ZNF549: variants seen among roughly 807,000 people sequenced by gnomAD.
The protein encoded by ZNF549 is zinc finger protein 549.
ZNF549 carries 11 observed loss-of-function variants against 11.1 expected under a neutral mutation model. The observed-to-expected ratio is 0.99, with a 90% CI of 0.62 to 1.64. The LOEUF (loss-of-function observed/expected upper bound fraction) is 1.64, where lower values mean the gene tolerates loss of function less well. Ranked by LOEUF, ZNF549 falls within the 40% of genes most tolerant of loss-of-function variation. The pLI, the probability that ZNF549 is intolerant of heterozygous loss-of-function variation, is 0.00. For synonymous variants in ZNF549, 266 were observed against 269.1 expected (o/e 0.99, Z 0.11); for missense variants, 748 against 765.1 (o/e 0.98, Z 0.26).
intron 3 of ZNF549, chr19:57,535,504 C>A: frequency 2.1e-6 from 1 of 479,914 alleles, no homozygotes; most frequent in Non-Finnish European, 3.6e-6. Flanking sequence ...GTAACTTGCC[C>A]AACCGACACC....
At position 57,538,710 on chromosome 19, in the gene ZNF549, G is replaced by GC. The variant is rs781291508; in HGVS notation, c.1707dup (p.Thr570HisfsTer17). Reference sequence around the variant, plus strand: ...GAATGTGGGAAATGCTTTAGACACCGCACCAGCCTCATTCAACACCAGAAA... The same window carrying GC: ...GAATGTGGGAAATGCTTTAGACACCGCCACCAGCCTCATTCAACACCAGAAA... On this transcript the variant is annotated frameshift_variant, in exon 4 of 4. Transcript: ENST00000376233. LOFTEE classifies it low-confidence loss of function (END_TRUNC). The GC allele has an allele frequency of 6.2e-7, 1 of 1,614,102 alleles. No homozygotes were observed. The highest frequency in any genetic ancestry group is 1.1e-5 in the South Asian group (1 of 91,082).
Position 57,538,843 on chromosome 19 carries a change from T to A in ZNF549, c.1839T>A (p.Tyr613Ter). The change falls in exon 4 of 4, where the codon TAT becomes TAA. Residue 613 changes from tyrosine (Y) to a stop codon, truncating the protein, a stop_gained. Coordinates refer to ENST00000376233, the MANE Select transcript of ZNF549 (RefSeq NM_001199295.2). LOFTEE classifies it low-confidence loss of function (END_TRUNC). Reference sequence around the variant, plus strand: ...GAATCCACACCGGAGAAAAGCCGTATGAATGTGGTAAATGTGGGAAAGCCT... The same window carrying A: ...GAATCCACACCGGAGAAAAGCCGTAAGAATGTGGTAAATGTGGGAAAGCCT... ...HQRIHTGEKP[Y>*]ECGKCGKAFN... 2 of 1,613,754 alleles carry A rather than the reference T, an allele frequency of 1.2e-6. No individual in the cohort carries two copies. Among genetic ancestry groups the A allele is most frequent in the Non-Finnish European group, 1.7e-6 (2 of 1,180,046 alleles).
chr19:57,537,036 C>T (rs2089927625), intron 3 of ZNF549, among the ~76,000 whole-genome samples, 168 bp from the exon 4 acceptor site: 1 of 152,148 alleles, frequency 6.6e-6, no homozygotes, highest in Non-Finnish European at 1.5e-5. Context: ...GTCAAGGCTG[C>T]AGTGAGATAT....
At chr19:57,534,702 A>C (rs956957222) in intron 2 of ZNF549, among the ~76,000 whole-genome samples, 6 of 152,120 alleles carry the variant, frequency 3.9e-5, no homozygotes, top group Admixed American at 1.3e-4. Flanking sequence ...GGGTCTAACA[A>C]AGATGTGAGG....
chr19:57,537,867 A>C lies in ZNF549; in HGVS notation c.863A>C (p.Gln288Pro). Residue 288 changes from glutamine (Q) to proline (P), a missense_variant, in exon 4 of 4, where the codon CAA becomes CCA. Physicochemically the swap from Gln to Pro is moderately conservative, Grantham distance 76. Transcript: ENST00000376233. ...NICGKSFLHK[Q>P]TLVGHQQRIH... ...TGTGGGAAATCATTCCTCCATAAAC[A>C]AACACTCGTTGGGCACCAGCAGAGA... is the stretch of plus-strand genomic sequence containing the variant. 1 of 1,613,752 alleles carries C rather than the reference A, an allele frequency of 6.2e-7. No individual in the cohort carries two copies. The highest frequency in any genetic ancestry group is 2.2e-5 in the East Asian group (1 of 44,826).
chr19:57,527,725 C>A lies in ZNF549; in HGVS notation c.33+119C>A, dbSNP rs1014977718. 10 of 1,256,530 alleles carry A rather than the reference C, an allele frequency of 8.0e-6. No homozygotes were observed. In the African/African-American group the frequency reaches 1.1e-4, roughly 13 times the overall value. The allele number at this position is 1,256,530 out of a possible 1,614,324, so 77.8% of individuals were successfully genotyped here. A position where few individuals can be genotyped will look rare whatever the true frequency, so the allele number is the denominator to read the frequency against. On this transcript the variant is annotated intron_variant, in intron 1 of 3. Coordinates refer to ENST00000376233, the MANE Select transcript of ZNF549 (RefSeq NM_001199295.2). ...GACAGCGAGGAGTTCTGGGTGGGGT[C>A]CTCAGAGCTGACGGGCGGTGAGGTG...
intron 2 of ZNF549, among the ~76,000 whole-genome samples, chr19:57,531,766 A>G (rs1264994554): frequency 6.6e-6 from 1 of 152,252 alleles, no homozygotes; most frequent in Non-Finnish European, 1.5e-5. Context: ...GGACAAACGG[A>G]TGATTCACGT....
In ZNF549 at chr19:57,537,276, C is replaced by G; in HGVS notation, c.272C>G (p.Ala91Gly). Reference protein sequence around the residue: ...QTLSAQGVSQARTPKLGPSIP... With the variant: ...QTLSAQGVSQGRTPKLGPSIP... ...CTTTCTGCGCAAGGAGTGTCACAGG[C>G]CAGGACTCCAAAGCTAGGTCCTTCC... The change falls in exon 4 of 4, where the codon GCC becomes GGC. Residue 91 changes from alanine (A) to glycine (G), a missense_variant. Physicochemically the swap from Ala to Gly is moderately conservative, Grantham distance 60 (BLOSUM62 0). Transcript: ENST00000376233. 4 of 1,614,206 alleles carry G rather than the reference C, an allele frequency of 2.5e-6. No individual in the cohort carries two copies. Among genetic ancestry groups the G allele is most frequent in the Non-Finnish European group, 3.4e-6 (4 of 1,180,034 alleles).
rs912929645 is a variant in ZNF549 at position 57,540,353 on chromosome 19, G to A, written c.*1426G>A. 1.3e-5 allele frequency: 2 copies of A among 152,214 alleles called. No homozygotes were observed. Among genetic ancestry groups the A allele is most frequent in the African/African-American group, 2.4e-5 (1 of 41,456 alleles). The allele number at this position is 152,214 out of a possible 1,614,324, so 9.4% of individuals were successfully genotyped here. A position where few individuals can be genotyped will look rare whatever the true frequency, so the allele number is the denominator to read the frequency against. On this transcript the variant is annotated 3_prime_UTR_variant, in exon 4 of 4. Transcript: ENST00000376233. ...ACCATTTATCTTAAAACATTGAGGTGCAGTTTTCATACACAAAACCTTCTA... is the reference window on the plus strand; with the variant it reads ...ACCATTTATCTTAAAACATTGAGGTACAGTTTTCATACACAAAACCTTCTA...
rs1429582650 is a variant in ZNF549, at chr19:57,537,713, C to T, written c.709C>T (p.His237Tyr). 1.9e-6 allele frequency: 3 copies of T among 1,613,992 alleles called. No homozygotes were observed. In the African/African-American group the frequency reaches 4.0e-5, roughly 22 times the overall value. The part of the protein sequence containing the change: ...VFNEKVHVTE[H>Y]QRVHTGEKAY... Reference sequence around the variant, plus strand: ...CAATGAGAAAGTTCATGTTACTGAGCATCAGAGAGTCCACACTGGAGAAAA... The same window carrying T: ...CAATGAGAAAGTTCATGTTACTGAGTATCAGAGAGTCCACACTGGAGAAAA... Residue 237 changes from histidine (H) to tyrosine (Y), a missense_variant, in exon 4 of 4, where the codon CAT (histidine) becomes TAT (tyrosine). Coordinates refer to ENST00000376233, the MANE Select transcript of ZNF549 (RefSeq NM_001199295.2).
In ZNF549 at chr19:57,538,143, A is replaced by G; in HGVS notation, c.1139A>G (p.Gln380Arg). ...FIHSYDRIRH[Q>R]RVHTGEGAYQ... The stretch of plus-strand genomic sequence containing the variant: ...CATTCCTATGACCGCATTCGACACC[A>G]GAGAGTTCACACTGGAGAAGGGGCT... Residue 380 changes from glutamine to arginine, a missense_variant, in exon 4 of 4, where the codon CAG (glutamine) becomes CGG (arginine). Physicochemically the swap from Gln to Arg is conservative, Grantham distance 43. Transcript: ENST00000376233. The G allele has an allele frequency of 6.2e-7, 1 of 1,613,778 alleles. No homozygotes were observed. Among genetic ancestry groups the G allele is most frequent in the Non-Finnish European group, 8.5e-7 (1 of 1,179,588 alleles).
At chr19:57,529,887 AAAAATAAATAAAT>A (rs1434157377) in intron 1 of ZNF549, among the ~76,000 whole-genome samples, 6 of 151,916 alleles carry the variant, frequency 3.9e-5, no homozygotes, top group African/African-American at 7.3e-5. Context: ...CTCCGTCTCC[AAAAATAAATAAAT>A]AAAATAAATA....
rs190694889 is a variant in ZNF549 at position 57,536,073 on chromosome 19, G to C, written c.199+803G>C. The stretch of plus-strand genomic sequence containing the variant: ...CTGCTTGACAATTTGCCTACTTGTC[G>C]TTTCTACTGTGATTGTCCCCTACCT... On this transcript the variant is annotated intron_variant, in intron 3 of 3. Transcript: ENST00000376233. Among the ~76,000 whole-genome samples the C allele has an allele frequency of 4.0e-5, 6 of 151,880 alleles. No homozygotes were observed. In the South Asian group the frequency reaches 1.2e-3, roughly 32 times the overall value.
At position 57,537,503 on chromosome 19, in the gene ZNF549, G is replaced by A. The variant is rs376438252; in HGVS notation, c.499G>A (p.Ala167Thr). 1.2e-6 allele frequency: 2 copies of A among 1,614,094 alleles called. No individual in the cohort carries two copies. The highest frequency in any genetic ancestry group is 1.7e-6 in the Non-Finnish European group (2 of 1,180,048). ...EKHIRKEESSALLLNSCKIPL... is the reference protein window; with the variant it reads ...EKHIRKEESSTLLLNSCKIPL... ...ACACATCAGAAAGGAGGAGAGCAGTGCCTTGCTTCTGAATAGCTGCAAAAT... is the reference window on the plus strand; with the variant it reads ...ACACATCAGAAAGGAGGAGAGCAGTACCTTGCTTCTGAATAGCTGCAAAAT... The change falls in exon 4 of 4, where the codon GCC (alanine) becomes ACC (threonine). Residue 167 changes from alanine to threonine, a missense_variant. Physicochemically the swap from Ala to Thr is moderately conservative, Grantham distance 58 (BLOSUM62 0). Coordinates refer to ENST00000376233, the MANE Select transcript of ZNF549 (RefSeq NM_001199295.2).
rs901720131 is a variant in ZNF549, at chr19:57,539,208, G to A, written c.*281G>A. 4 of 345,724 alleles carry A rather than the reference G, an allele frequency of 1.2e-5. No homozygotes were observed. The highest frequency in any genetic ancestry group is 4.8e-5 in the East Asian group (1 of 20,700). 21.4% of individuals were successfully genotyped at this position (345,724 alleles called of 1,614,324 possible). Reference sequence around the variant, plus strand: ...CAGACCACTGTGCTTACCAAATTCTGAAGGGAATAATATAATAAAAGCCTG... The same window carrying A: ...CAGACCACTGTGCTTACCAAATTCTAAAGGGAATAATATAATAAAAGCCTG... On this transcript the variant is annotated 3_prime_UTR_variant, in exon 4 of 4. Coordinates refer to ENST00000376233, the MANE Select transcript of ZNF549 (RefSeq NM_001199295.2).
rs1468591006 is a variant in ZNF549 at position 57,540,734 on chromosome 19, TG to T, written c.*1810del. ...AAGGTCGCGCCATTGCACTCCAGCC[TG>T]GGCGACAGAGTGACACTTCTCAAAA... On this transcript the variant is annotated 3_prime_UTR_variant, in exon 4 of 4. Coordinates refer to ENST00000376233, the MANE Select transcript of ZNF549 (RefSeq NM_001199295.2). 1 of 152,206 alleles carries T rather than the reference TG, an allele frequency of 6.6e-6. No individual in the cohort carries two copies. The highest frequency in any genetic ancestry group is 1.5e-5 in the Non-Finnish European group (1 of 68,054). The allele number at this position is 152,206 out of a possible 1,614,324, so 9.4% of individuals were successfully genotyped here.
chr19:57,528,956 T>G (rs2089891642), intron 1 of ZNF549, among the ~76,000 whole-genome samples: 1 of 152,242 alleles, frequency 6.6e-6, no homozygotes, highest in Non-Finnish European at 1.5e-5. Flanking sequence ...TGTCTTGTGA[T>G]AAGTCATGGA....
At chr19:57,532,121 T>G (rs1015777878) in intron 2 of ZNF549, among the ~76,000 whole-genome samples, 1 of 152,218 alleles carries the variant, frequency 6.6e-6, no homozygotes, top group Non-Finnish European at 1.5e-5. Flanking sequence ...CCCAGGTATT[T>G]TGGGATTTGC....
In ZNF549 at chr19:57,531,122, G is replaced by A. The variant is rs750079346; in HGVS notation, c.72+14G>A. 4.4e-6 allele frequency: 7 copies of A among 1,598,298 alleles called. No homozygotes were observed. The highest frequency in any genetic ancestry group is 5.9e-6 in the Non-Finnish European group (7 of 1,179,716). On this transcript the variant is annotated intron_variant, in intron 2 of 3. Coordinates refer to ENST00000376233, the MANE Select transcript of ZNF549 (RefSeq NM_001199295.2). The stretch of plus-strand genomic sequence containing the variant: ...AAACCATCACAGGTAAGTGGAAGAA[G>A]TCCCAGGTCTTCACTGGCCCTGTTC...
Sources: gnomAD v4.1 joint callset for allele counts (sites outside exome capture counted in the v4.1 genomes callset) on GRCh38, gnomAD v4.1.1 for gene constraint, MANE v1.5 for transcripts, NCBI Gene and HGNC (gene_info 2026-07-23, HGNC 2026-07-21) for gene names.